Variants in SIPA1L1 observed in about 807,000 individuals in gnomAD.
The protein encoded by SIPA1L1 is signal-induced proliferation-associated 1-like protein 1.
Under a neutral mutation model 162.7 loss-of-function variants are expected in SIPA1L1, and 26 were observed. The observed-to-expected ratio is 0.16, with a 90% CI of 0.12 to 0.22. The LOEUF is 0.22. Ranked by LOEUF, SIPA1L1 falls within the 10% of genes least tolerant of loss-of-function variation. The probability of loss-of-function intolerance (pLI) is 1.00; values close to 1 mark genes in which losing one functional copy is unlikely to be tolerated. For missense variants in SIPA1L1, 1,874 were observed against 2,241.0 expected, an observed-to-expected ratio of 0.84 and a Z score of 3.31; for synonymous variants, 829 against 837.4, an observed-to-expected ratio of 0.99 and a Z score of 0.17.
intron 3 of SIPA1L1, among the ~76,000 whole-genome samples, chr14:71,524,777 G>A (rs1468064929): frequency 1.2e-4 from 18 of 152,030 alleles, no homozygotes; most frequent in Admixed American, 6.5e-4. Flanking sequence ...GTCCTTGTAC[G>A]TCACACTCTG....
At chr14:71,599,068 A>ATGTGCCT (rs549376999) in intron 5 of SIPA1L1, among the ~76,000 whole-genome samples, 1 of 150,116 alleles carries the variant, frequency 6.7e-6, no homozygotes, top group African/African-American at 2.5e-5. Flanking sequence ...ATTTGTCTTT[A>ATGTGCCT]TGTGCCTTGC....
chr14:71,508,908 G>A (rs2050890531), intron 2 of SIPA1L1, among the ~76,000 whole-genome samples: 1 of 152,170 alleles, frequency 6.6e-6, no homozygotes, highest in Non-Finnish European at 1.5e-5. Flanking sequence ...TATTCACCTG[G>A]TAGTGCATGT....
rs879117347 is a variant in SIPA1L1, at chr14:71,739,062, G to A, written c.5253G>A (p.Leu1751=). Residue 1751 remains leucine, a synonymous_variant, in exon 24 of 24, where the codon CTG becomes CTA. Coordinates refer to ENST00000381232, the MANE Select transcript of SIPA1L1 (RefSeq NM_001386936.1). ...KAHLQAEVQH[L]REDNLRLQEE... is the part of the protein sequence containing the mutation. The stretch of plus-strand genomic sequence containing the variant: ...ACCTTCAGGCGGAGGTGCAGCACCT[G>A]CGAGAGGACAACCTGAGGCTACAGG... The A allele has an allele frequency of 3.5e-5, 57 of 1,614,002 alleles. No homozygotes were observed. Among genetic ancestry groups the A allele is most frequent in the African/African-American group, 1.1e-4 (8 of 74,918 alleles).
chr14:71,510,984 A>T (rs1048988647), intron 2 of SIPA1L1, among the ~76,000 whole-genome samples: 7 of 151,948 alleles, frequency 4.6e-5, no homozygotes, highest in Non-Finnish European at 8.8e-5. Flanking sequence ...TTTCATACAG[A>T]GAGTTTAGTA....
At chr14:71,373,769 T>A (rs2039119014) in intron 2 of SIPA1L1, among the ~76,000 whole-genome samples, 1 of 152,046 alleles carries the variant, frequency 6.6e-6, no homozygotes, top group African/African-American at 2.4e-5. Context: ...TGAAAGCTAT[T>A]TAAAATGAAA....
intron 2 of SIPA1L1, among the ~76,000 whole-genome samples, chr14:71,359,443 A>C (rs1408877870): frequency 2.6e-5 from 4 of 152,148 alleles, no homozygotes; most frequent in Admixed American, 6.5e-5. Flanking sequence ...CCTCCATATA[A>C]TTTGTCTATT....
intron 2 of SIPA1L1, among the ~76,000 whole-genome samples, chr14:71,362,071 C>T (rs1414789639): frequency 6.6e-6 from 1 of 152,164 alleles, no homozygotes; most frequent in Non-Finnish European, 1.5e-5. Flanking sequence ...CTGTTGGCGG[C>T]CCGTCATGGC....
intron 2 of SIPA1L1, among the ~76,000 whole-genome samples, chr14:71,340,864 G>A (rs998756859): frequency 2.0e-5 from 3 of 152,282 alleles, no homozygotes; most frequent in South Asian, 2.1e-4. Context: ...GCTTGAACCC[G>A]GGAGGCAGAG....
intron 2 of SIPA1L1, among the ~76,000 whole-genome samples, chr14:71,328,566 G>A (rs2034111414): frequency 6.6e-6 from 1 of 152,160 alleles, no homozygotes; most frequent in Admixed American, 6.5e-5. Flanking sequence ...CCAGAATGCA[G>A]CCAACTGAGG....
intron 4 of SIPA1L1, among the ~76,000 whole-genome samples, chr14:71,570,604 G>A (rs1367776645): frequency 6.6e-6 from 1 of 152,052 alleles, no homozygotes; most frequent in Non-Finnish European, 1.5e-5. Context: ...AATACAAAAG[G>A]ATAGCCAGTT....
chr14:71,427,540 T>A (rs2043663475), intron 2 of SIPA1L1, among the ~76,000 whole-genome samples: 1 of 152,196 alleles, frequency 6.6e-6, no homozygotes, highest in Admixed American at 6.5e-5. Context: ...TTTGGAACTC[T>A]CACAATGTAT....
chr14:71,376,460 A>T (rs2039380063), intron 2 of SIPA1L1, among the ~76,000 whole-genome samples: 1 of 151,810 alleles, frequency 6.6e-6, no homozygotes, highest in South Asian at 2.1e-4. Flanking sequence ...GTTCCACGTG[A>T]TCCAGATTTA....
chr14:71,462,447 T>C (rs997519278), intron 2 of SIPA1L1, among the ~76,000 whole-genome samples: 10 of 152,218 alleles, frequency 6.6e-5, no homozygotes, highest in Non-Finnish European at 1.5e-4. Context: ...TCGGGTCACT[T>C]GATAAATGGG....
intron 9 of SIPA1L1, among the ~76,000 whole-genome samples, chr14:71,658,656 T>TA (rs1363551855): frequency 6.6e-6 from 1 of 152,204 alleles, no homozygotes; most frequent in Non-Finnish European, 1.5e-5. Flanking sequence ...CTTTGTGAAT[T>TA]AATCATTTGC....
chr14:71,559,832 CT>C (rs34522690), intron 4 of SIPA1L1, among the ~76,000 whole-genome samples: 123,206 of 148,458 alleles, frequency 0.83, 51,570 homozygotes, highest in African/African-American at 0.95. Flanking sequence ...ATTATATAAA[CT>C]TTTTTTTTTT....
rs113828225 is a variant in SIPA1L1 at position 71,690,431 on chromosome 14, A to G, written c.3374+4800A>G. 5.7e-3 allele frequency among the ~76,000 whole-genome samples: 863 copies of G among 151,990 alleles called. 15 individuals carry two copies. The highest frequency in any genetic ancestry group is 0.02 in the African/African-American group (811 of 41,426). On this transcript the variant is annotated intron_variant, in intron 13 of 23. Transcript: ENST00000381232. The stretch of plus-strand genomic sequence containing the variant: ...TATGTTTTGAAATGATTTTTTTTAT[A>G]GAGACAGTGTCTCACTCTGTTGCCC...
intron 4 of SIPA1L1, among the ~76,000 whole-genome samples, chr14:71,546,763 C>T (rs1255821633): frequency 6.6e-6 from 1 of 152,138 alleles, no homozygotes; most frequent in African/African-American, 2.4e-5. Context: ...GAAACATGGT[C>T]TCTGTCCTTA....
chr14:71,388,330 G>C (rs995441953), intron 2 of SIPA1L1, among the ~76,000 whole-genome samples: 1 of 152,188 alleles, frequency 6.6e-6, no homozygotes, highest in Non-Finnish European at 1.5e-5. Context: ...CTACAAAGAA[G>C]TTAAGTCTAA....
At chr14:71,403,542 G>A (rs1299094129) in intron 2 of SIPA1L1, among the ~76,000 whole-genome samples, 1 of 134,612 alleles carries the variant, frequency 7.4e-6, no homozygotes, top group East Asian at 2.4e-4. Context: ...AGAGGTTGCA[G>A]TAAGCCAAGA....
Sources: allele counts gnomAD v4.1 joint callset (sites outside exome capture counted in the v4.1 genomes callset), GRCh38; gene constraint gnomAD v4.1.1; transcripts MANE v1.5; gene names NCBI Gene and HGNC (gene_info 2026-07-23, HGNC 2026-07-21).